NUDC: variants seen among roughly 807,000 people sequenced by gnomAD.
NUDC encodes the protein nuclear migration protein nudC.
Under a neutral mutation model 45.0 loss-of-function variants are expected in NUDC, and 14 were observed. That is an observed-to-expected ratio of 0.31 (90% CI 0.21 to 0.49). The LOEUF is 0.49. Ranked by LOEUF, NUDC falls within the 20% of genes least tolerant of loss-of-function variation. The pLI is 0.99. For synonymous variants in NUDC, 153 were observed against 156.7 expected, an observed-to-expected ratio of 0.98 and a Z score of 0.17; for missense variants, 323 against 426.2, an observed-to-expected ratio of 0.76 and a Z score of 2.13.
intron 2 of NUDC, among the ~76,000 whole-genome samples, chr1:26,925,146 G>A (rs186275964): frequency 1.1e-4 from 17 of 151,860 alleles, no homozygotes; most frequent in East Asian, 5.9e-4. Context: ...CTCCTAAAGC[G>A]CTGGGAGTAC....
chr1:26,913,636 T>C (rs1410784763), intron 3 of NUDC: 4 of 1,613,886 alleles, frequency 2.5e-6, no homozygotes, highest in Non-Finnish European at 2.5e-6. Context: ...CACAGCATCT[T>C]GGGCCAACCC....
chr1:26,904,030 AT>A (rs2081992162), intron 2 of NUDC, among the ~76,000 whole-genome samples: 1 of 118,962 alleles, frequency 8.4e-6, no homozygotes, highest in Non-Finnish European at 1.9e-5. Context: ...AAATAAATAA[AT>A]AAATTAAATA....
upstream of NUDC, among the ~76,000 whole-genome samples, chr1:26,916,945 A>C (rs373743808): frequency 1.2e-4 from 18 of 152,256 alleles, no homozygotes; most frequent in East Asian, 3.5e-3. Flanking sequence ...ACAGAGTGAG[A>C]CCCTGACTAA....
chr1:26,905,430 G>C (rs935136349), intron 2 of NUDC, among the ~76,000 whole-genome samples: 3 of 152,070 alleles, frequency 2.0e-5, no homozygotes, highest in African/African-American at 7.2e-5. Flanking sequence ...CAAAGTGTTG[G>C]GATTACAGGC....
intron 2 of NUDC, among the ~76,000 whole-genome samples, chr1:26,910,690 T>C (rs1274150233): frequency 1.3e-5 from 2 of 152,158 alleles, no homozygotes; most frequent in Non-Finnish European, 2.9e-5. Flanking sequence ...TTGTTATCAC[T>C]CCTTCCTGCC....
intron 1 of NUDC, among the ~76,000 whole-genome samples, chr1:26,923,472 A>C (rs2082107290): frequency 6.6e-6 from 1 of 151,954 alleles, no homozygotes; most frequent in African/African-American, 2.4e-5. Context: ...CCGGTAACTT[A>C]GCCAGTGTCT....
chr1:26,945,362 T>A, intron 6 of NUDC, 28 bp from the exon 7 acceptor site: 1 of 1,602,940 alleles, frequency 6.2e-7, no homozygotes, highest in East Asian at 2.2e-5. Context: ...GCAGGCCACC[T>A]CCCACCCTCT....
intron 2 of NUDC, among the ~76,000 whole-genome samples, chr1:26,910,083 C>T (rs995152512): frequency 8.5e-5 from 13 of 152,248 alleles, no homozygotes; most frequent in South Asian, 2.1e-4. Context: ...TTTACTATGA[C>T]GCAGGGAAGA....
At position 26,943,082 on chromosome 1, in the gene NUDC, C is replaced by T. The variant is rs1211848520; in HGVS notation, c.741+17C>T. The T allele has an allele frequency of 1.9e-6, 3 of 1,613,656 alleles. No homozygotes were observed. Among genetic ancestry groups the T allele is most frequent in the East Asian group, 2.2e-5 (1 of 44,886 alleles). ...CTGGAGAAGGTATGTGAGGCCCAGCCCTTCTAGCCTGGGGTGTTGATGGAA... is the reference window on the plus strand; with the variant it reads ...CTGGAGAAGGTATGTGAGGCCCAGCTCTTCTAGCCTGGGGTGTTGATGGAA... On this transcript the variant is annotated intron_variant, in intron 6 of 8. Transcript: ENST00000321265.
chr1:26,931,366 C>A (rs1323531856), intron 2 of NUDC, among the ~76,000 whole-genome samples: 1 of 142,050 alleles, frequency 7.0e-6, no homozygotes, highest in African/African-American at 2.6e-5. Flanking sequence ...GCATGAACCA[C>A]TGCGCCTGGC....
intron 3 of NUDC, chr1:26,911,757 A>G (rs1301951245): frequency 2.5e-5 from 39 of 1,532,462 alleles, no homozygotes; most frequent in Non-Finnish European, 3.3e-5. Flanking sequence ...TGCCCCCTCC[A>G]GGAGCATTGG....
At chr1:26,932,577 C>G (rs2082192629) in intron 2 of NUDC, among the ~76,000 whole-genome samples, 1 of 152,110 alleles carries the variant, frequency 6.6e-6, no homozygotes, top group Non-Finnish European at 1.5e-5. Context: ...CCTGACTCGG[C>G]CTCCCAAAGT....
Position 26,946,449 on chromosome 1 carries a change from C to G in NUDC, c.*268C>G. 1 of 500,366 alleles carries G rather than the reference C, an allele frequency of 2.0e-6. No individual in the cohort carries two copies. The highest frequency in any genetic ancestry group is 3.6e-6 in the Non-Finnish European group (1 of 274,506). The allele number at this position is 500,366 out of a possible 1,614,324, so 31.0% of individuals were successfully genotyped here. A position where few individuals can be genotyped will look rare whatever the true frequency, so the allele number is the denominator to read the frequency against. ...CTTTCTCTGGGGCACAGGCCTCTTA[C>G]GGCTGCTGCTGGGAACTGGGAGTTT... On this transcript the variant is annotated 3_prime_UTR_variant, in exon 9 of 9. Coordinates refer to ENST00000321265, the MANE Select transcript of NUDC (RefSeq NM_006600.4).
intron 2 of NUDC, among the ~76,000 whole-genome samples, chr1:26,904,022 ATAAATAAATAAAT>A (rs199815865): frequency 0.036 from 4,875 of 136,786 alleles, 274 homozygotes; most frequent in African/African-American, 0.096. Context: ...AAATAAATAA[ATAAATAAATAAAT>A]TAAATAAATA....
chr1:26,900,183 C>T, upstream of NUDC: 1 of 1,614,112 alleles, frequency 6.2e-7, no homozygotes, highest in Non-Finnish European at 8.5e-7. Context: ...GGAGAGAGGC[C>T]GGACATCGGT....
At chr1:26,929,102 C>T (rs2082157429) in intron 2 of NUDC, among the ~76,000 whole-genome samples, 1 of 152,144 alleles carries the variant, frequency 6.6e-6, no homozygotes, top group Admixed American at 6.6e-5. Context: ...AAATCCTGTC[C>T]ATTGCTACAT....
upstream of NUDC, among the ~76,000 whole-genome samples, chr1:26,920,995 G>T (rs755038104): frequency 1.3e-5 from 2 of 152,034 alleles, no homozygotes; most frequent in African/African-American, 2.4e-5. Context: ...GAAGAAGAAA[G>T]ATATTTGTGA....
intron 2 of NUDC, among the ~76,000 whole-genome samples, chr1:26,933,972 G>C (rs1013961351): frequency 1.3e-5 from 2 of 152,056 alleles, no homozygotes; most frequent in East Asian, 1.9e-4. Context: ...GGCCAACATG[G>C]TGAAACCCCA....
chr1:26,920,769 CAAAAAACAAAAAAA>C (rs2082085513), upstream of NUDC, among the ~76,000 whole-genome samples: 1 of 137,622 alleles, frequency 7.3e-6, no homozygotes, highest in African/African-American at 2.7e-5. Context: ...AAACAAAAAA[CAAAAAACAAAAAAA>C]AAAAAACAGC....
Sources: allele counts gnomAD v4.1 joint callset (sites outside exome capture counted in the v4.1 genomes callset), GRCh38; gene constraint gnomAD v4.1.1; transcripts MANE v1.5; gene names NCBI Gene and HGNC (gene_info 2026-07-23, HGNC 2026-07-21).